CHRNA1: variants seen among roughly 807,000 people sequenced by gnomAD.
The protein encoded by CHRNA1 is acetylcholine receptor subunit alpha.
CHRNA1 carries 35 observed loss-of-function variants against 47.1 expected under a neutral mutation model. The ratio of observed to expected loss-of-function variants is 0.74; its 90% CI spans 0.57 to 0.99. The LOEUF (loss-of-function observed/expected upper bound fraction) is 0.99. Ranked by LOEUF, CHRNA1 falls within the 50% of genes least tolerant of loss-of-function variation. The pLI is 0.00. For missense variants in CHRNA1, 506 were observed against 591.1 expected, an observed-to-expected ratio of 0.86 and a Z score of 1.49; for synonymous variants, 229 against 223.6, an observed-to-expected ratio of 1.02 and a Z score of -0.22.
Position 174,754,301 on chromosome 2 carries a change from G to C in CHRNA1, c.458C>G (p.Thr153Ser). 1 of 1,614,226 alleles carries C rather than the reference G, an allele frequency of 6.2e-7. No homozygotes were observed. Among genetic ancestry groups the C allele is most frequent in the Non-Finnish European group, 8.5e-7 (1 of 1,180,050 alleles). Residue 153 changes from threonine (T) to serine (S), a missense_variant, in exon 5 of 9, where the codon ACC becomes AGC. Thr to Ser is a moderately conservative substitution (Grantham distance 58). Transcript: ENST00000348749. ...IFKSYCEIIV[T>S]HFPFDEQNCS... is the part of the protein sequence containing the mutation. ...GTTCTGTTCATCAAAGGGAAAGTGG[G>C]TGACGATGATCTCACAGTAGCTTTT...
At chr2:174,753,210 G>T (rs1035101141) in intron 6 of CHRNA1, 9 of 606,380 alleles carry the variant, frequency 1.5e-5, no homozygotes, top group African/African-American at 1.5e-4. Flanking sequence ...CACACAGTTG[G>T]TATTCAGCAA....
At chr2:174,758,097 C>T (rs114345657) in intron 3 of CHRNA1, 1 of 1,603,638 alleles carries the variant, frequency 6.2e-7, no homozygotes. Flanking sequence ...TTAAAAAGTA[C>T]CATATATTTT....
chr2:174,753,505 G>T lies in CHRNA1; in HGVS notation c.776C>A (p.Ser259Ter), dbSNP rs771845966. Residue 259 changes from serine to a stop codon, truncating the protein, a stop_gained and splice_region_variant, in exon 6 of 9, where the codon TCA becomes TAA. Transcript: ENST00000348749. LOFTEE classifies it high-confidence loss of function. ...GCAGTCATGGCAACCACACCCACCTGAGTCTGTGGGCAGGTAGAATACCAG... is the reference window on the plus strand; with the variant it reads ...GCAGTCATGGCAACCACACCCACCTTAGTCTGTGGGCAGGTAGAATACCAG... ...TGLVFYLPTDSGEKMTLSISV... is the reference protein window; with the variant it reads ...TGLVFYLPTD 3.7e-6 allele frequency: 6 copies of T among 1,613,220 alleles called. No homozygotes were observed. Among genetic ancestry groups the T allele is most frequent in the Non-Finnish European group, 5.1e-6 (6 of 1,179,230 alleles).
rs1315992224 is a variant in CHRNA1 at position 174,757,608 on chromosome 2, G to A, written c.302C>T (p.Pro101Leu). 1.2e-6 allele frequency: 2 copies of A among 1,614,028 alleles called. No homozygotes were observed. The highest frequency in any genetic ancestry group is 1.3e-5 in the African/African-American group (1 of 74,914). The change falls in exon 4 of 9, where the codon CCT becomes CTT. Residue 101 changes from proline to leucine, a missense_variant. Pro to Leu is a moderately conservative substitution (Grantham distance 98). Coordinates refer to ENST00000348749, the MANE Select transcript of CHRNA1 (RefSeq NM_000079.4). Reference protein sequence around the residue: ...DYGGVKKIHIPSEKIWRPDLV... With the variant: ...DYGGVKKIHILSEKIWRPDLV... ...GTCTGGGCGCCAGATCTTTTCTGAA[G>A]GAATGTGAATTTTTTTCACACCGCC...
chr2:174,756,675 C>T (rs1434454457), intron 4 of CHRNA1, among the ~76,000 whole-genome samples: 1 of 152,190 alleles, frequency 6.6e-6, no homozygotes, highest in Non-Finnish European at 1.5e-5. Flanking sequence ...GATAATTTGG[C>T]TCAAGCTTGA....
chr2:174,748,649 C>G lies in CHRNA1; in HGVS notation c.1173G>C (p.Glu391Asp). Reference protein sequence around the residue: ...GFHSPLIKHPEVKSAIEGIKY... With the variant: ...GFHSPLIKHPDVKSAIEGIKY... ...TGATGCCCTCGATGGCACTTTTCAC[C>G]TCGGGGTGTTTGATCAGGGGAGAGT... The change falls in exon 8 of 9, where the codon GAG becomes GAC. Residue 391 changes from glutamate (E) to aspartate (D), a missense_variant. Coordinates refer to ENST00000348749, the MANE Select transcript of CHRNA1 (RefSeq NM_000079.4). 6.2e-7 allele frequency: 1 copy of G among 1,614,184 alleles called. No homozygotes were observed.
chr2:174,754,410 C>A lies in CHRNA1; in HGVS notation c.349G>T (p.Asp117Tyr). 6.2e-7 allele frequency: 1 copy of A among 1,613,986 alleles called. No homozygotes were observed. The highest frequency in any genetic ancestry group is 8.5e-7 in the Non-Finnish European group (1 of 1,179,992). The change falls in exon 5 of 9, where the codon GAT becomes TAT. Residue 117 changes from aspartate (D) to tyrosine (Y), a missense_variant. Asp to Tyr is a radical substitution (Grantham distance 160). Coordinates refer to ENST00000348749, the MANE Select transcript of CHRNA1 (RefSeq NM_000079.4). ...RPDLVLYNNA[D>Y]GDFAIVKFTK... ...AACTTGACAATAGCAAAGTCACCAT[C>A]TGCACTACAATTGGGATAAAAGAGG...
chr2:174,759,704 C>A, intron 1 of CHRNA1, 71 bp from the exon 2 acceptor site: 1 of 1,587,334 alleles, frequency 6.3e-7, no homozygotes, highest in Non-Finnish European at 8.6e-7. Context: ...ACATGAGGAA[C>A]TGAGGAACTG....
At chr2:174,758,597 A>G (rs1295322264) in intron 3 of CHRNA1, among the ~76,000 whole-genome samples, 1 of 151,672 alleles carries the variant, frequency 6.6e-6, no homozygotes, top group Admixed American at 6.6e-5. Flanking sequence ...AATATTTCAA[A>G]ATAAAAACCA....
Position 174,758,750 on chromosome 2 carries a change from T to C in CHRNA1, c.234+581A>G, listed in dbSNP as rs912964068. 9.9e-5 allele frequency among the ~76,000 whole-genome samples: 15 copies of C among 152,252 alleles called. No homozygotes were observed. In the South Asian group the frequency reaches 2.7e-3, roughly 27 times the overall value. On this transcript the variant is annotated intron_variant, in intron 3 of 8. Transcript: ENST00000348749. ...TTCATGCTGAAGCGCTAACTCCCAG[T>C]ATTTCAGAACGTGACCTAATTTGGA...
chr2:174,748,739 A>T lies in CHRNA1; in HGVS notation c.1083T>A (p.Ile361=), dbSNP rs556317469. ...RPSREKQDKK[I]FTEDIDISDI... ...CAGAGATATCAATGTCTTCTGTAAA[A>T]ATCTTTTTGTCTTGCTTTTCTCTGG... The change falls in exon 8 of 9, where the codon ATT becomes ATA. Residue 361 remains isoleucine, a synonymous_variant. Transcript: ENST00000348749. The T allele has an allele frequency of 3.1e-5, 50 of 1,614,150 alleles. No individual in the cohort carries two copies. In the South Asian group the frequency reaches 4.9e-4, roughly 16 times the overall value.
intron 7 of CHRNA1, among the ~76,000 whole-genome samples, chr2:174,749,219 A>C (rs1331030974): frequency 1.3e-5 from 2 of 152,172 alleles, no homozygotes; most frequent in Non-Finnish European, 2.9e-5. Flanking sequence ...AAACAGCTAG[A>C]TTGTTTTCTT....
chr2:174,753,923 C>T (rs1219134619), intron 5 of CHRNA1, among the ~76,000 whole-genome samples, 183 bp from the exon 6 acceptor site: 1 of 152,144 alleles, frequency 6.6e-6, no homozygotes, highest in African/African-American at 2.4e-5. Context: ...GGGGTTTGGA[C>T]TAGTAGCATT....
chr2:174,754,402 G>A lies in CHRNA1; in HGVS notation c.357C>T (p.Asp119=). 1 of 1,614,026 alleles carries A rather than the reference G, an allele frequency of 6.2e-7. No homozygotes were observed. The highest frequency in any genetic ancestry group is 8.5e-7 in the Non-Finnish European group (1 of 1,179,984). Residue 119 remains aspartate, a synonymous_variant, in exon 5 of 9, where the codon GAC becomes GAT. Coordinates refer to ENST00000348749, the MANE Select transcript of CHRNA1 (RefSeq NM_000079.4). ...DLVLYNNADG[D]FAIVKFTKVL... is the part of the protein sequence containing the mutation. ...CTTTGGTGAACTTGACAATAGCAAAGTCACCATCTGCACTACAATTGGGAT... is the reference window on the plus strand; with the variant it reads ...CTTTGGTGAACTTGACAATAGCAAAATCACCATCTGCACTACAATTGGGAT...
rs746404398 is a variant in CHRNA1, at chr2:174,750,013, G to A, written c.935C>T (p.Thr312Ile). Residue 312 changes from threonine (T) to isoleucine (I), a missense_variant, in exon 7 of 9, where the codon ACT becomes ATT. Thr to Ile is a moderately conservative substitution (Grantham distance 89, BLOSUM62 -1). Coordinates refer to ENST00000348749, the MANE Select transcript of CHRNA1 (RefSeq NM_000079.4). ...GTGGTGTGTGTTGATGACGATGACA[G>A]TGATGATGATGGAGGCAATGACGAA... ...MVFVIASIII[T>I]VIVINTHHRS... 5 of 1,614,174 alleles carry A rather than the reference G, an allele frequency of 3.1e-6. No homozygotes were observed. The highest frequency in any genetic ancestry group is 4.2e-6 in the Non-Finnish European group (5 of 1,180,030).
Position 174,761,611 on chromosome 2 carries a change from G to A in CHRNA1, c.44-1978C>T, listed in dbSNP as rs772816376. ...ATTACAGGCAAGAGCCACCTCACCCGGCTAGTTTCACACGTTTTCTGAACC... is the reference window on the plus strand; with the variant it reads ...ATTACAGGCAAGAGCCACCTCACCCAGCTAGTTTCACACGTTTTCTGAACC... On this transcript the variant is annotated intron_variant, in intron 1 of 8. Transcript: ENST00000348749. Among the ~76,000 whole-genome samples the A allele has an allele frequency of 1.2e-3, 184 of 152,212 alleles. 4 individuals carry two copies. Among genetic ancestry groups the A allele is most frequent in the Middle Eastern group, 3.4e-3 (1 of 294 alleles).
chr2:174,759,315 T>C lies in CHRNA1; in HGVS notation c.234+16A>G, dbSNP rs1470547920. ...TGAATGAAAACGACACACATGCAAT[T>C]ATCTGGCTAAGTTACCTGTTTCAGA... On this transcript the variant is annotated intron_variant, in intron 3 of 8. Transcript: ENST00000348749. 6.2e-7 allele frequency: 1 copy of C among 1,613,778 alleles called. No homozygotes were observed. The highest frequency in any genetic ancestry group is 8.5e-7 in the Non-Finnish European group (1 of 1,179,794).
chr2:174,747,921 A>C lies in CHRNA1; in HGVS notation c.*203T>G, dbSNP rs1683762930. On this transcript the variant is annotated 3_prime_UTR_variant, in exon 9 of 9. Transcript: ENST00000348749. Reference sequence around the variant, plus strand: ...ACTAAAGAGGGTTCACTCTTCAGGGAGACAGCAGAACTAAAGGGAGAAGCA... The same window carrying C: ...ACTAAAGAGGGTTCACTCTTCAGGGCGACAGCAGAACTAAAGGGAGAAGCA... 4 of 625,816 alleles carry C rather than the reference A, an allele frequency of 6.4e-6. No homozygotes were observed. In the Admixed American group the frequency reaches 9.9e-5, roughly 15 times the overall value. 38.8% of individuals were successfully genotyped at this position (625,816 alleles called of 1,614,324 possible).
rs146793178 is a variant in CHRNA1, at chr2:174,754,420, AT to A, written c.345-7del. Reference sequence around the variant, plus strand: ...TAGCAAAGTCACCATCTGCACTACAATTGGGATAAAAGAGGAAAATGGCTCC... The same window carrying A: ...TAGCAAAGTCACCATCTGCACTACAATGGGATAAAAGAGGAAAATGGCTCC... On this transcript the variant is annotated splice_region_variant and splice_polypyrimidine_tract_variant and intron_variant, in intron 4 of 8. Coordinates refer to ENST00000348749, the MANE Select transcript of CHRNA1 (RefSeq NM_000079.4). The A allele has an allele frequency of 2.7e-5, 44 of 1,613,832 alleles. No homozygotes were observed. In the East Asian group the frequency reaches 7.1e-4, roughly 26 times the overall value.
Sources: allele counts gnomAD v4.1 joint callset (sites outside exome capture counted in the v4.1 genomes callset), GRCh38; gene constraint gnomAD v4.1.1; transcripts MANE v1.5; gene names NCBI Gene and HGNC (gene_info 2026-07-23, HGNC 2026-07-21).